MPP7: variants seen among roughly 807,000 people sequenced by gnomAD.
MPP7 encodes the protein MAGUK p55 scaffold protein 7.
In MPP7, 60 loss-of-function variants were observed where a neutral mutation model predicts 76.5. The observed-to-expected ratio is 0.78, with a 90% CI of 0.64 to 0.97. The LOEUF is 0.97. MPP7 is among the 50% of genes least tolerant of loss of function. The pLI is 0.00. For synonymous variants in MPP7, 237 were observed against 244.5 expected (o/e 0.97, Z 0.29); for missense variants, 641 against 694.0 (o/e 0.92, Z 0.86).
intron 5 of MPP7, among the ~76,000 whole-genome samples, chr10:28,143,765 A>AC (rs1436200370): frequency 7.1e-6 from 1 of 141,792 alleles, no homozygotes; most frequent in East Asian, 1.9e-4. Context: ...TTATTCCAAG[A>AC]CCACGTATTA....
intron 2 of MPP7, among the ~76,000 whole-genome samples, chr10:28,233,717 C>CA (rs752333257): frequency 0.17 from 12,121 of 73,126 alleles, 974 homozygotes; most frequent in East Asian, 0.51. Context: ...GACTCCGTCT[C>CA]AAAAAAAAAA....
chr10:28,099,863 G>A (rs1462769999), intron 11 of MPP7, among the ~76,000 whole-genome samples: 1 of 151,596 alleles, frequency 6.6e-6, no homozygotes, highest in Non-Finnish European at 1.5e-5. Context: ...GAATACATTT[G>A]TTTGATACAA....
intron 11 of MPP7, among the ~76,000 whole-genome samples, chr10:28,093,915 G>A (rs1397946411): frequency 6.6e-6 from 1 of 150,976 alleles, no homozygotes; most frequent in Non-Finnish European, 1.5e-5. Context: ...CTTGATAAAC[G>A]TTTACTGAAT....
rs1839916718 is a variant in MPP7, at chr10:28,260,606, T to A, written c.-131-21871A>T. The stretch of plus-strand genomic sequence containing the variant: ...GACCAACAGGGCAAAACCCTGTCTC[T>A]ACTAAAAATACAAAAATTAGCCAGA... On this transcript the variant is annotated intron_variant, in intron 1 of 16. Transcript: ENST00000683449. Among the ~76,000 whole-genome samples the A allele has an allele frequency of 2.0e-5, 3 of 151,782 alleles. No individual in the cohort carries two copies. The South Asian group carries it at 6.2e-4, about 31-fold the overall frequency.
Position 28,281,692 on chromosome 10 carries a change from A to T in MPP7, c.-132+21169T>A, listed in dbSNP as rs532146292. 1.6e-3 allele frequency among the ~76,000 whole-genome samples: 237 copies of T among 152,188 alleles called. 1 individual carries two copies. The highest frequency in any genetic ancestry group is 5.3e-3 in the African/African-American group (219 of 41,440). The stretch of plus-strand genomic sequence containing the variant: ...CTGCACTAAATACTTCTAATGTGTT[A>T]TCGGATTTAATTCTCACTACCAACT... On this transcript the variant is annotated intron_variant, in intron 1 of 16. Coordinates refer to ENST00000683449, the MANE Select transcript of MPP7 (RefSeq NM_001318170.2).
At chr10:28,144,479 G>A (rs1485568734) in intron 5 of MPP7, among the ~76,000 whole-genome samples, 1 of 152,140 alleles carries the variant, frequency 6.6e-6, no homozygotes, top group Non-Finnish European at 1.5e-5. Flanking sequence ...CGACTCCCCA[G>A]CTCCAAACTC....
intron 1 of MPP7, among the ~76,000 whole-genome samples, chr10:28,331,375 T>A (rs1300999576): frequency 6.6e-6 from 1 of 152,120 alleles, no homozygotes; most frequent in Non-Finnish European, 1.5e-5. Flanking sequence ...TGGAAACTAT[T>A]TTAAGTAATT....
At chr10:28,168,074 T>C (rs1588877406) in intron 3 of MPP7, among the ~76,000 whole-genome samples, 1 of 152,160 alleles carries the variant, frequency 6.6e-6, no homozygotes, top group Non-Finnish European at 1.5e-5. Context: ...CCGTTTCTGC[T>C]AAAAATACAA....
At chr10:28,214,287 A>G (rs1183166620) in intron 2 of MPP7, among the ~76,000 whole-genome samples, 1 of 152,172 alleles carries the variant, frequency 6.6e-6, no homozygotes, top group Non-Finnish European at 1.5e-5. Flanking sequence ...GAAACTTTAC[A>G]CCAATTCACC....
chr10:28,189,570 CAAAAAAAAAAAAAAA>C (rs59436299), intron 3 of MPP7, among the ~76,000 whole-genome samples: 8 of 69,520 alleles, frequency 1.2e-4, no homozygotes, highest in Admixed American at 3.9e-4. Context: ...GACCCTGTCT[CAAAAAAAAAAAAAAA>C]AAAAAAAAAA....
intron 2 of MPP7, among the ~76,000 whole-genome samples, chr10:28,318,815 C>T (rs1834342537): frequency 6.6e-6 from 1 of 152,226 alleles, no homozygotes; most frequent in Non-Finnish European, 1.5e-5. Context: ...AAGCCAAATT[C>T]AAATCTCATA....
intron 11 of MPP7, among the ~76,000 whole-genome samples, chr10:28,104,839 G>A (rs1349336810): frequency 6.6e-6 from 1 of 151,996 alleles, no homozygotes; most frequent in Non-Finnish European, 1.5e-5. Flanking sequence ...ACTTCCAGGT[G>A]CACTAACCTT....
Position 28,119,686 on chromosome 10 carries a change from A to G in MPP7, c.917T>C (p.Leu306Ser), listed in dbSNP as rs1197388202. ...RRLALRRPEILVQPLKVSNRK... is the reference protein window; with the variant it reads ...RRLALRRPEISVQPLKVSNRK... Reference sequence around the variant, plus strand: ...GTTGGAAACTTTCAGGGGCTGAACCAATATTTCTGGTCGTCTCAAAGCCAA... The same window carrying G: ...GTTGGAAACTTTCAGGGGCTGAACCGATATTTCTGGTCGTCTCAAAGCCAA... The change falls in exon 11 of 17, where the codon TTG becomes TCG. Residue 306 changes from leucine to serine, a missense_variant. Physicochemically the swap from Leu to Ser is moderately radical, Grantham distance 145 (BLOSUM62 -2). Transcript: ENST00000683449. The G allele has an allele frequency of 3.7e-6, 6 of 1,613,686 alleles. No individual in the cohort carries two copies. Among genetic ancestry groups the G allele is most frequent in the Non-Finnish European group, 4.2e-6 (5 of 1,179,790 alleles).
chr10:28,312,331 G>A (rs1841294536), intron 2 of MPP7, among the ~76,000 whole-genome samples: 1 of 152,108 alleles, frequency 6.6e-6, no homozygotes, highest in South Asian at 2.1e-4. Flanking sequence ...ACAGAGTGCT[G>A]ATTGGTGTGT....
intron 11 of MPP7, chr10:28,118,830 G>GA (rs1231748910): frequency 1.0e-6 from 1 of 985,280 alleles, no homozygotes; most frequent in Admixed American, 6.2e-5. Context: ...CAGGAGATGT[G>GA]AAAAATGCAA....
chr10:28,292,907 A>T (rs1437671558), intron 1 of MPP7, among the ~76,000 whole-genome samples: 3 of 151,858 alleles, frequency 2.0e-5, no homozygotes, highest in African/African-American at 7.3e-5. Context: ...GACATATGAT[A>T]CAGGTAGCAT....
intron 13 of MPP7, among the ~76,000 whole-genome samples, chr10:28,068,464 T>C (rs1852082339): frequency 6.6e-6 from 1 of 152,140 alleles, no homozygotes; most frequent in African/African-American, 2.4e-5. Flanking sequence ...CATTTCAATT[T>C]AGCCTTTTAG....
At chr10:28,093,191 T>C (rs988635467) in intron 11 of MPP7, among the ~76,000 whole-genome samples, 34 of 152,094 alleles carry the variant, frequency 2.2e-4, no homozygotes, top group Admixed American at 1.7e-3. Flanking sequence ...TGAGAGGCAA[T>C]TACAGAATAA....
At chr10:28,150,346 C>T (rs1425636878) in intron 3 of MPP7, among the ~76,000 whole-genome samples, 4 of 152,204 alleles carry the variant, frequency 2.6e-5, no homozygotes, top group African/African-American at 9.6e-5. Context: ...AAGTCTTTGT[C>T]TTTCCCCTCA....
Sources: allele counts gnomAD v4.1 joint callset (sites outside exome capture counted in the v4.1 genomes callset), GRCh38; gene constraint gnomAD v4.1.1; transcripts MANE v1.5; gene names NCBI Gene and HGNC (gene_info 2026-07-23, HGNC 2026-07-21).